The following TBC1D2B variants were observed in gnomAD, a reference collection of about 807,000 sequenced individuals.
TBC1D2B encodes the protein TBC1 domain family, member 2B.
A neutral mutation model predicts 100.8 loss-of-function variants in TBC1D2B; 64 were observed. The ratio of observed to expected loss-of-function variants is 0.64; its 90% CI spans 0.52 to 0.78. The LOEUF is 0.78. Ranked by LOEUF, TBC1D2B falls within the 30% of genes least tolerant of loss-of-function variation. The pLI, the probability that TBC1D2B is intolerant of heterozygous loss-of-function variation, is 0.00. For missense variants in TBC1D2B, 1,052 were observed against 1,218.4 expected, an observed-to-expected ratio of 0.86 and a Z score of 2.03; for synonymous variants, 480 against 479.7, an observed-to-expected ratio of 1.00 and a Z score of -0.01.
intron 8 of TBC1D2B, among the ~76,000 whole-genome samples, chr15:78,015,630 C>G (rs2072353926): frequency 6.6e-6 from 1 of 152,162 alleles, no homozygotes; most frequent in Admixed American, 6.5e-5. Flanking sequence ...AGGGCCTGTC[C>G]TCACCACTCA....
At chr15:78,016,020 GA>G (rs2072364514) in intron 8 of TBC1D2B, among the ~76,000 whole-genome samples, 1 of 152,192 alleles carries the variant, frequency 6.6e-6, no homozygotes, top group Non-Finnish European at 1.5e-5. Context: ...ACAAGAGGCT[GA>G]ACTGCGTGAA....
intron 3 of TBC1D2B, among the ~76,000 whole-genome samples, chr15:78,037,803 T>A (rs1283529925): frequency 2.0e-5 from 3 of 152,214 alleles, no homozygotes; most frequent in African/African-American, 7.2e-5. Context: ...ACTACTTAGC[T>A]TTACTACATG....
chr15:78,013,885 T>G (rs2072301116), intron 8 of TBC1D2B, among the ~76,000 whole-genome samples: 1 of 152,156 alleles, frequency 6.6e-6, no homozygotes, highest in African/African-American at 2.4e-5. Flanking sequence ...AACAAGGAGA[T>G]TATTTGGGAT....
intron 1 of TBC1D2B, among the ~76,000 whole-genome samples, chr15:78,076,392 G>A (rs1014235226): frequency 3.3e-5 from 5 of 152,156 alleles, no homozygotes; most frequent in African/African-American, 4.8e-5. Flanking sequence ...GAGCATCCCC[G>A]TCCACTCTGG....
At chr15:78,026,439 T>C (rs558756946) in intron 4 of TBC1D2B, among the ~76,000 whole-genome samples, 2 of 152,180 alleles carry the variant, frequency 1.3e-5, no homozygotes, top group Non-Finnish European at 2.9e-5. Flanking sequence ...CAAGGGACTA[T>C]ACAAAACAAA....
intron 2 of TBC1D2B, among the ~76,000 whole-genome samples, chr15:78,050,135 C>T (rs968196189): frequency 3.9e-5 from 6 of 152,318 alleles, no homozygotes; most frequent in African/African-American, 1.4e-4. Context: ...CAGCTCTCTA[C>T]ACCCTGCATC....
Position 78,005,211 on chromosome 15 carries a change from C to T in TBC1D2B, c.2389-1721G>A, listed in dbSNP as rs147335397. Among the ~76,000 whole-genome samples, 50 of 152,292 alleles carry T rather than the reference C, an allele frequency of 3.3e-4. No homozygotes were observed. In the East Asian group the frequency reaches 8.1e-3, roughly 25 times the overall value. On this transcript the variant is annotated intron_variant, in intron 10 of 12. Transcript: ENST00000300584. ...TGGTGTGGAGCAGGCTGCCAGGAAACGCTTGCTCTGGCCTCTGTTCAAGCT... is the reference window on the plus strand; with the variant it reads ...TGGTGTGGAGCAGGCTGCCAGGAAATGCTTGCTCTGGCCTCTGTTCAAGCT...
intron 1 of TBC1D2B, among the ~76,000 whole-genome samples, chr15:78,055,233 T>C (rs2073395739): frequency 6.7e-5 from 2 of 29,948 alleles, no homozygotes; most frequent in South Asian, 1.1e-3. Context: ...CTGCTATGTA[T>C]CATGGTTCTG....
intron 10 of TBC1D2B, among the ~76,000 whole-genome samples, chr15:78,007,888 C>T (rs2072109577): frequency 6.6e-6 from 1 of 152,248 alleles, no homozygotes; most frequent in Non-Finnish European, 1.5e-5. Context: ...AAAACCCCTT[C>T]AGTCCCTCCT....
At chr15:78,058,415 ACCC>A (rs1407538828) in intron 1 of TBC1D2B, among the ~76,000 whole-genome samples, 1 of 152,042 alleles carries the variant, frequency 6.6e-6, no homozygotes, top group African/African-American at 2.4e-5. Flanking sequence ...ATCTCCAACC[ACCC>A]CATGGTCCAT....
Position 78,024,228 on chromosome 15 carries a change from A to C in TBC1D2B, c.1398T>G (p.Pro466=). 1 of 1,613,878 alleles carries C rather than the reference A, an allele frequency of 6.2e-7. No individual in the cohort carries two copies. The highest frequency in any genetic ancestry group is 8.5e-7 in the Non-Finnish European group (1 of 1,179,892). ...KLSEGEGNGP[P]PTVAPSSPSV... is the part of the protein sequence containing the mutation. ...AAGGGGAGCTGGGCGCCACGGTGGG[A>C]GGAGGCCCGTTGCCCTCGCCCTCGC... is the stretch of plus-strand genomic sequence containing the variant. The change falls in exon 6 of 13, where the codon CCT becomes CCG. Residue 466 remains proline, a synonymous_variant. Coordinates refer to ENST00000300584, the MANE Select transcript of TBC1D2B (RefSeq NM_144572.2).
chr15:77,998,584 T>C, intron 12 of TBC1D2B: 1 of 497,158 alleles, frequency 2.0e-6, no homozygotes, highest in Non-Finnish European at 3.6e-6. Flanking sequence ...CTCTGCCACA[T>C]GCTTGCTGTG....
At chr15:78,050,966 G>A (rs2073301110) in intron 2 of TBC1D2B, among the ~76,000 whole-genome samples, 1 of 152,236 alleles carries the variant, frequency 6.6e-6, no homozygotes, top group Non-Finnish European at 1.5e-5. Context: ...CCATATGACA[G>A]TTCCAGCCAA....
At chr15:78,075,055 G>C (rs952268871) in intron 1 of TBC1D2B, among the ~76,000 whole-genome samples, 6 of 152,146 alleles carry the variant, frequency 3.9e-5, no homozygotes, top group African/African-American at 1.4e-4. Context: ...GACCAAAGAG[G>C]AAACTGGAGC....
chr15:78,057,539 G>C (rs2073451281), intron 1 of TBC1D2B, among the ~76,000 whole-genome samples: 1 of 152,146 alleles, frequency 6.6e-6, no homozygotes, highest in African/African-American at 2.4e-5. Context: ...CCAGCTACTT[G>C]GGAGGCTGAG....
chr15:78,057,266 T>G (rs1285159584), intron 1 of TBC1D2B, among the ~76,000 whole-genome samples: 1 of 152,062 alleles, frequency 6.6e-6, no homozygotes, highest in Non-Finnish European at 1.5e-5. Flanking sequence ...TTGTAGAAAT[T>G]TGGTCAATAA....
Position 77,998,337 on chromosome 15 carries a change from G to C in TBC1D2B, c.2715C>G (p.Ser905=). 1 of 1,589,586 alleles carries C rather than the reference G, an allele frequency of 6.3e-7. No homozygotes were observed. The highest frequency in any genetic ancestry group is 8.6e-7 in the Non-Finnish European group (1 of 1,168,696). The change falls in exon 13 of 13, where the codon TCC becomes TCG. Residue 905 remains serine (S), a synonymous_variant. Transcript: ENST00000300584. Reference sequence around the variant, plus strand: ...GGGGGAAAGGGTTCAGGTCCCCAAAGGAGATACTGATCAGCTTCCTGGCAG... The same window carrying C: ...GGGGGAAAGGGTTCAGGTCCCCAAACGAGATACTGATCAGCTTCCTGGCAG... The part of the protein sequence containing the change: ...ILDARKLISI[S]FGDLNPFPLR...
chr15:78,000,002 C>T (rs954526161), intron 12 of TBC1D2B, among the ~76,000 whole-genome samples: 1 of 152,186 alleles, frequency 6.6e-6, no homozygotes, highest in East Asian at 1.9e-4. Flanking sequence ...TTCTGAAGGC[C>T]GATCGCTGTG....
chr15:78,077,511 C>T lies in TBC1D2B; in HGVS notation c.142G>A (p.Gly48Ser), dbSNP rs1443805978. 4 of 1,529,422 alleles carry T rather than the reference C, an allele frequency of 2.6e-6. No individual in the cohort carries two copies. In the African/African-American group the frequency reaches 4.3e-5, roughly 16 times the overall value. 94.7% of individuals were successfully genotyped at this position (1,529,422 alleles called of 1,614,324 possible). ...CGGCTGCGGTAGCCACGCAGGGGGC[C>T]CTTGCCCGACAGCTTCTGCAGATAG... Reference protein sequence around the residue: ...CGYLQKLSGKGPLRGYRSRWF... With the variant: ...CGYLQKLSGKSPLRGYRSRWF... The change falls in exon 1 of 13, where the codon GGC becomes AGC. Residue 48 changes from glycine (G) to serine (S), a missense_variant. Coordinates refer to ENST00000300584, the MANE Select transcript of TBC1D2B (RefSeq NM_144572.2).
Sources: gnomAD v4.1 joint callset for allele counts (sites outside exome capture counted in the v4.1 genomes callset) on GRCh38, gnomAD v4.1.1 for gene constraint, MANE v1.5 for transcripts, NCBI Gene and HGNC (gene_info 2026-07-23, HGNC 2026-07-21) for gene names.